KIAA1217: variants seen among roughly 807,000 people sequenced by gnomAD.
KIAA1217 encodes the protein sickle tail protein homolog.
Under a neutral mutation model 163.9 loss-of-function variants are expected in KIAA1217, and 88 were observed. That is an observed-to-expected ratio of 0.54 (90% CI 0.45 to 0.64). The LOEUF (loss-of-function observed/expected upper bound fraction) is 0.64. Among genes scored for constraint, KIAA1217 ranks in the 30% least tolerant of loss-of-function variants. The pLI is 0.00. For missense variants in KIAA1217, 2,372 were observed against 2,475.0 expected (o/e 0.96, Z 0.88); for synonymous variants, 903 against 923.1 (o/e 0.98, Z 0.39).
rs1215527584 is a variant in KIAA1217, at chr10:23,996,507, A to ACC, written c.-320-10718_-320-10717insCC. Among the ~76,000 whole-genome samples the ACC allele has an allele frequency of 2.6e-5, 4 of 152,268 alleles. 1 individual carries two copies. The highest frequency in any genetic ancestry group is 2.4e-5 in the African/African-American group (1 of 41,566). ...TTACTGTGTATCCAACACCTGTCAC[A>ACC]GTGCCTGGTACACCGTAGCCCTACA... On this transcript the variant is annotated intron_variant, in intron 1 of 18. Coordinates refer to the KIAA1217 transcript ENST00000376462.
intron 1 of KIAA1217, among the ~76,000 whole-genome samples, chr10:23,801,735 A>G (rs990242073): frequency 6.6e-6 from 1 of 152,292 alleles, no homozygotes; most frequent in Middle Eastern, 3.4e-3. Flanking sequence ...AAGATTAGGA[A>G]CTCAAGACCT....
At chr10:23,953,184 T>C (rs1274883458) in intron 1 of KIAA1217, among the ~76,000 whole-genome samples, 1 of 152,174 alleles carries the variant, frequency 6.6e-6, no homozygotes, top group African/African-American at 2.4e-5. Context: ...GGCTTTGGAG[T>C]CAGCCCAATG....
intron 6 of KIAA1217, among the ~76,000 whole-genome samples, chr10:24,494,257 CTT>C (rs2066494089): frequency 6.6e-6 from 1 of 152,154 alleles, no homozygotes; most frequent in African/African-American, 2.4e-5. Context: ...AGGGAGATGT[CTT>C]TGAGTTGGTC....
intron 2 of KIAA1217, among the ~76,000 whole-genome samples, chr10:24,165,713 G>A (rs1205709009): frequency 1.3e-5 from 2 of 152,140 alleles, no homozygotes; most frequent in Non-Finnish European, 2.9e-5. Flanking sequence ...TAAGGAACAG[G>A]AAAATGGTAT....
intron 1 of KIAA1217, among the ~76,000 whole-genome samples, chr10:23,745,254 G>A (rs769741938): frequency 1.2e-4 from 18 of 152,310 alleles, no homozygotes; most frequent in East Asian, 3.9e-4. Flanking sequence ...CATAGTAGGT[G>A]CTTAATAAAT....
At position 24,312,668 on chromosome 10, in the gene KIAA1217, A is replaced by G. The variant is rs188713179; in HGVS notation, c.355-68201A>G. Among the ~76,000 whole-genome samples the G allele has an allele frequency of 1.1e-4, 17 of 152,026 alleles. No homozygotes were observed. The East Asian group carries it at 2.9e-3, about 26-fold the overall frequency. On this transcript the variant is annotated intron_variant, in intron 2 of 20. Transcript: ENST00000376454. ...ATGGCGGCTCATGTCTGTAATCCCA[A>G]CATTTTGGGAGGATGAGAGGGAGGA...
rs1278459893 is a variant in KIAA1217, at chr10:23,790,272, C to T, written c.-321+95038C>T. Among the ~76,000 whole-genome samples, 2 of 92,862 alleles carry T rather than the reference C, an allele frequency of 2.2e-5. 1 individual carries two copies. Among genetic ancestry groups the T allele is most frequent in the East Asian group, 5.9e-4 (2 of 3,400 alleles). The allele number at this position is 92,862 out of a possible 152,430, so 60.9% of individuals were successfully genotyped here. Reference sequence around the variant, plus strand: ...ATGCATATGCACATATGCATATGCACATATGCATATGCACATATGCATATG... The same window carrying T: ...ATGCATATGCACATATGCATATGCATATATGCATATGCACATATGCATATG... On this transcript the variant is annotated intron_variant, in intron 1 of 18. Coordinates refer to the KIAA1217 transcript ENST00000376462.
chr10:23,910,596 C>T (rs1842392770), intron 1 of KIAA1217, among the ~76,000 whole-genome samples: 1 of 152,140 alleles, frequency 6.6e-6, no homozygotes, highest in African/African-American at 2.4e-5. Context: ...AAATAAAATA[C>T]TCTGAGCCAG....
At chr10:24,427,289 T>G (rs2059253474) in intron 3 of KIAA1217, among the ~76,000 whole-genome samples, 1 of 151,996 alleles carries the variant, frequency 6.6e-6, no homozygotes, top group Non-Finnish European at 1.5e-5. Flanking sequence ...ACGGGAATCT[T>G]TTTTCTGAGC....
chr10:23,758,646 C>CT (rs1386376033), intron 1 of KIAA1217, among the ~76,000 whole-genome samples: 8 of 132,212 alleles, frequency 6.1e-5, no homozygotes, highest in Admixed American at 1.5e-4. Context: ...CTCTCTCTCT[C>CT]CCCCTCCCTC....
chr10:24,040,485 T>C (rs897226987), intron 2 of KIAA1217, among the ~76,000 whole-genome samples: 1 of 152,208 alleles, frequency 6.6e-6, no homozygotes, highest in Non-Finnish European at 1.5e-5. Context: ...AAAGATAATT[T>C]GGAGAAATGA....
At chr10:24,181,235 A>G (rs2066156531) in intron 2 of KIAA1217, among the ~76,000 whole-genome samples, 1 of 152,232 alleles carries the variant, frequency 6.6e-6, no homozygotes, top group Non-Finnish European at 1.5e-5. Flanking sequence ...AATATCTGAG[A>G]GGGGAACCTA....
chr10:23,912,340 T>A (rs1409126740), intron 1 of KIAA1217, among the ~76,000 whole-genome samples: 1 of 132,498 alleles, frequency 7.5e-6, no homozygotes, highest in Admixed American at 7.5e-5. Flanking sequence ...TGTTTATTTT[T>A]TTAGAACTTT....
intron 1 of KIAA1217, among the ~76,000 whole-genome samples, chr10:23,969,335 C>T (rs931785219): frequency 2.6e-5 from 4 of 152,212 alleles, no homozygotes; most frequent in Non-Finnish European, 5.9e-5. Flanking sequence ...GCGCCCAGTC[C>T]GAAACTCTAT....
intron 10 of KIAA1217, among the ~76,000 whole-genome samples, chr10:24,516,054 G>C (rs781121202): frequency 3.3e-5 from 5 of 152,248 alleles, no homozygotes; most frequent in Non-Finnish European, 7.3e-5. Context: ...ATGGATATCA[G>C]AGCAAGACTC....
chr10:24,021,023 G>C (rs1847709174), intron 2 of KIAA1217, among the ~76,000 whole-genome samples: 1 of 151,908 alleles, frequency 6.6e-6, no homozygotes, highest in Admixed American at 6.6e-5. Context: ...AGTCAGCCAG[G>C]ATGTTAAATT....
chr10:23,956,515 C>A (rs900077202), intron 1 of KIAA1217, among the ~76,000 whole-genome samples: 3 of 152,144 alleles, frequency 2.0e-5, no homozygotes, highest in Middle Eastern at 3.2e-3. Flanking sequence ...TGCCTTCTAA[C>A]CCCCTTCTAA....
chr10:24,063,037 T>G (rs1234628662), intron 2 of KIAA1217, among the ~76,000 whole-genome samples: 1 of 152,158 alleles, frequency 6.6e-6, no homozygotes, highest in African/African-American at 2.4e-5. Context: ...TTCTGGATAT[T>G]AGCCCTTTGT....
At chr10:24,292,811 C>T (rs1423198752) in intron 2 of KIAA1217, among the ~76,000 whole-genome samples, 1 of 151,782 alleles carries the variant, frequency 6.6e-6, no homozygotes, top group Non-Finnish European at 1.5e-5. Flanking sequence ...AAAGTGTGGC[C>T]GCTACTTGAA....
Sources: gnomAD v4.1 joint callset for allele counts (sites outside exome capture counted in the v4.1 genomes callset) on GRCh38, gnomAD v4.1.1 for gene constraint, MANE v1.5 for transcripts, NCBI Gene and HGNC (gene_info 2026-07-23, HGNC 2026-07-21) for gene names.